The following SMCO4 variants were observed in gnomAD, a reference collection of about 807,000 sequenced individuals.
SMCO4 encodes single-pass membrane and coiled-coil domain-containing protein 4.
Under a neutral mutation model 3.6 loss-of-function variants are expected in SMCO4, and 4 were observed. That is an observed-to-expected ratio of 1.11 (90% CI 0.54 to 2.53). The LOEUF (loss-of-function observed/expected upper bound fraction) is 2.53. Among genes scored for constraint, SMCO4 ranks in the 30% most tolerant of loss-of-function variants. The pLI is 0.02. For synonymous variants in SMCO4, 36 were observed against 35.3 expected, an observed-to-expected ratio of 1.02 and a Z score of -0.07; for missense variants, 70 against 80.8, an observed-to-expected ratio of 0.87 and a Z score of 0.51.
intron 1 of SMCO4, among the ~76,000 whole-genome samples, chr11:93,541,676 T>C (rs1949272343): frequency 6.6e-6 from 1 of 152,184 alleles, no homozygotes; most frequent in African/African-American, 2.4e-5. Context: ...GACAACCAAG[T>C]ACACTAACTG....
At chr11:93,487,535 T>TGGCAGCAGTGGC (rs1948665537) in intron 2 of SMCO4, among the ~76,000 whole-genome samples, 1 of 152,168 alleles carries the variant, frequency 6.6e-6, no homozygotes, top group Non-Finnish European at 1.5e-5. Context: ...AAATGTTATT[T>TGGCAGCAGTGGC]GGCAGCAGTG....
chr11:93,536,521 T>C (rs1414403130), intron 1 of SMCO4, among the ~76,000 whole-genome samples: 1 of 152,128 alleles, frequency 6.6e-6, no homozygotes, highest in East Asian at 1.9e-4. Context: ...GAAAATATAC[T>C]ATGTGAAAAA....
chr11:93,508,518 A>C (rs895706111), intron 1 of SMCO4, among the ~76,000 whole-genome samples: 2 of 152,226 alleles, frequency 1.3e-5, no homozygotes, highest in Admixed American at 6.5e-5. Flanking sequence ...TGATTTAAGA[A>C]AGAAGAAAAG....
chr11:93,503,049 C>T (rs890420615), intron 1 of SMCO4, among the ~76,000 whole-genome samples: 1 of 152,040 alleles, frequency 6.6e-6, no homozygotes, highest in Non-Finnish European at 1.5e-5. Flanking sequence ...AGATTAGATC[C>T]CACAGAGTCT....
At chr11:93,536,910 T>G (rs895458464) in intron 1 of SMCO4, among the ~76,000 whole-genome samples, 36 of 152,224 alleles carry the variant, frequency 2.4e-4, no homozygotes, top group African/African-American at 7.7e-4. Context: ...TTCCCAAGAC[T>G]GACAAAGTTC....
At chr11:93,482,372 G>A (rs988005171) in intron 2 of SMCO4, among the ~76,000 whole-genome samples, 10 of 152,232 alleles carry the variant, frequency 6.6e-5, no homozygotes, top group African/African-American at 2.4e-4. Flanking sequence ...ATGTGAGGAT[G>A]CTTCTTAGAC....
At position 93,478,988 on chromosome 11, in the gene SMCO4, G is replaced by A; in HGVS notation, c.*22C>T. 2 of 1,586,226 alleles carry A rather than the reference G, an allele frequency of 1.3e-6. No individual in the cohort carries two copies. The highest frequency in any genetic ancestry group is 1.7e-6 in the Non-Finnish European group (2 of 1,164,078). On this transcript the variant is annotated 3_prime_UTR_variant, in exon 3 of 3. Coordinates refer to ENST00000298966, the MANE Select transcript of SMCO4 (RefSeq NM_020179.3). The stretch of plus-strand genomic sequence containing the variant: ...CCGCGCCTCCTCTCCCTGCCGATGG[G>A]GTCCGCAGCCGGCTGCGGGGCTCAC...
At chr11:93,501,223 GT>G (rs564902542) in intron 1 of SMCO4, among the ~76,000 whole-genome samples, 68 of 152,340 alleles carry the variant, frequency 4.5e-4, no homozygotes, top group Non-Finnish European at 8.2e-4. Flanking sequence ...GAAATTGGGA[GT>G]AAGTGCTCAG....
At chr11:93,509,283 C>G (rs993126560) in intron 1 of SMCO4, among the ~76,000 whole-genome samples, 1 of 144,176 alleles carries the variant, frequency 6.9e-6, no homozygotes, top group African/African-American at 2.6e-5. Context: ...GAATGAGACC[C>G]TGACTCAAAA....
chr11:93,482,157 C>T (rs555946744), intron 2 of SMCO4, among the ~76,000 whole-genome samples: 3 of 152,370 alleles, frequency 2.0e-5, no homozygotes, highest in African/African-American at 4.8e-5. Context: ...GGAGGAGCAG[C>T]GTCTCTGCTC....
Position 93,479,121 on chromosome 11 carries a change from C to T in SMCO4, c.69G>A (p.Met23Ile). 6.2e-7 allele frequency: 1 copy of T among 1,614,136 alleles called. No homozygotes were observed. The change falls in exon 3 of 3, where the codon ATG becomes ATA. Residue 23 changes from methionine to isoleucine, a missense_variant. Physicochemically the swap from Met to Ile is conservative, Grantham distance 10. Transcript: ENST00000298966. ...TAGTGATCTGCTGCCGGGCCTCCTG[C>T]ATGGCTTGCTTCCGCTCCTTCTTGT... ...SKDKKERKQAMQEARQQITTV... is the reference protein window; with the variant it reads ...SKDKKERKQAIQEARQQITTV...
chr11:93,486,575 G>A (rs542421752), intron 2 of SMCO4, among the ~76,000 whole-genome samples: 94 of 152,134 alleles, frequency 6.2e-4, no homozygotes, highest in Non-Finnish European at 1.0e-4. Flanking sequence ...ACCACATCCC[G>A]CTTGAGTTTT....
At chr11:93,543,149 C>G (rs1949285680) in intron 1 of SMCO4, 127 bp downstream of exon 1, 1 of 149,934 alleles carries the variant, frequency 6.7e-6, no homozygotes, top group Non-Finnish European at 1.5e-5. Context: ...GGAGGCGGAG[C>G]CGGCGTGGCG....
chr11:93,548,885 G>A, the SMCO4 span, among the ~76,000 whole-genome samples: 1 of 152,168 alleles, frequency 6.6e-6, no homozygotes, highest in Admixed American at 6.5e-5. Context: ...TTTCCCACTG[G>A]TTACTTGGTG....
chr11:93,543,219 C>A, intron 1 of SMCO4, 57 bp downstream of exon 1: 1 of 126,662 alleles, frequency 7.9e-6, no homozygotes, highest in South Asian at 2.2e-4. Flanking sequence ...GTGCCCCGCG[C>A]CCGCCCGCCG....
chr11:93,485,722 G>A (rs192884883), intron 2 of SMCO4, among the ~76,000 whole-genome samples: 2 of 152,194 alleles, frequency 1.3e-5, no homozygotes, highest in Admixed American at 1.3e-4. Flanking sequence ...TATCAAAGCC[G>A]GAATATTTTA....
intron 1 of SMCO4, chr11:93,535,576 A>G: frequency 6.6e-7 from 1 of 1,521,200 alleles, no homozygotes; most frequent in African/African-American, 1.4e-5. Flanking sequence ...TGACAGTCGA[A>G]CCAAATCCAT....
intron 2 of SMCO4, among the ~76,000 whole-genome samples, chr11:93,486,255 G>A (rs1426491654): frequency 1.3e-5 from 2 of 152,174 alleles, no homozygotes; most frequent in African/African-American, 2.4e-5. Context: ...GTGCAGCTGG[G>A]ATTCCAATCA....
chr11:93,511,465 G>T (rs1376549075), intron 1 of SMCO4, among the ~76,000 whole-genome samples: 1 of 152,146 alleles, frequency 6.6e-6, no homozygotes, highest in Non-Finnish European at 1.5e-5. Flanking sequence ...GCCACTGTCT[G>T]TGTGGAGTTT....
Sources: allele counts gnomAD v4.1 joint callset (sites outside exome capture counted in the v4.1 genomes callset), GRCh38; gene constraint gnomAD v4.1.1; transcripts MANE v1.5; gene names NCBI Gene and HGNC (gene_info 2026-07-23, HGNC 2026-07-21).